Variants in CELF1 observed in about 807,000 individuals in gnomAD.
CELF1 encodes the protein 50 kDa nuclear polyadenylated RNA-binding protein.
CELF1 carries 10 observed loss-of-function variants against 61.8 expected under a neutral mutation model. That is an observed-to-expected ratio of 0.16 (90% CI 0.10 to 0.27). The LOEUF (loss-of-function observed/expected upper bound fraction) is 0.27. CELF1 is among the 10% of genes least tolerant of loss of function. The pLI, the probability that CELF1 is intolerant of heterozygous loss-of-function variation, is 1.00. For missense variants in CELF1, 380 were observed against 639.1 expected (o/e 0.59, Z 4.37); for synonymous variants, 236 against 225.1 (o/e 1.05, Z -0.43).
chr11:47,546,236 C>CTTT lies in CELF1; in HGVS notation c.-154+6753_-154+6755dup, dbSNP rs11315629. ...TGCAATTGACAGATACTCTCAGTAT[C>CTTT]TTTTTTTTTTTTTTTTTGGGCGGGG... is the stretch of plus-strand genomic sequence containing the variant. On this transcript the variant is annotated intron_variant, in intron 1 of 14. Coordinates refer to ENST00000687097, the MANE Select transcript of CELF1 (RefSeq NM_001376376.1). 6.3e-4 allele frequency among the ~76,000 whole-genome samples: 50 copies of CTTT among 79,162 alleles called. 1 individual carries two copies. Among genetic ancestry groups the CTTT allele is most frequent in the African/African-American group, 2.4e-3 (47 of 19,668 alleles). 51.9% of individuals were successfully genotyped at this position (79,162 alleles called of 152,430 possible).
intron 1 of CELF1, among the ~76,000 whole-genome samples, chr11:47,531,442 G>A (rs112698825): frequency 3.9e-5 from 6 of 152,086 alleles, no homozygotes; most frequent in African/African-American, 1.4e-4. Flanking sequence ...GGTGGCACTC[G>A]CCTATAGTCT....
At chr11:47,489,832 A>C (rs1341008496) in intron 3 of CELF1, among the ~76,000 whole-genome samples, 1 of 152,040 alleles carries the variant, frequency 6.6e-6, no homozygotes, top group Non-Finnish European at 1.5e-5. Flanking sequence ...TAGAACCTGA[A>C]GGATAATCAG....
In CELF1 at chr11:47,487,207, A is replaced by G; in HGVS notation, c.294T>C (p.Ala98=). 6.2e-7 allele frequency: 1 copy of G among 1,612,766 alleles called. No homozygotes were observed. Among genetic ancestry groups the G allele is most frequent in the South Asian group, 1.1e-5 (1 of 91,082 alleles). Residue 98 remains alanine, a synonymous_variant, in exon 5 of 15, where the codon GCT becomes GCC. Coordinates refer to ENST00000687097, the MANE Select transcript of CELF1 (RefSeq NM_001376376.1). ...CCFVTFYTRK[A]ALEAQNALHN... Reference sequence around the variant, plus strand: ...GAAGAGCATTCTGAGCTTCTAATGCAGCTTTACGGGTGTAAAATGTAACAA... The same window carrying G: ...GAAGAGCATTCTGAGCTTCTAATGCGGCTTTACGGGTGTAAAATGTAACAA...
intron 3 of CELF1, among the ~76,000 whole-genome samples, chr11:47,493,218 C>T (rs1355669656): frequency 6.6e-6 from 1 of 151,534 alleles, no homozygotes; most frequent in African/African-American, 2.4e-5. Flanking sequence ...ATTCAATAGC[C>T]AGAAGACTCC....
intron 2 of CELF1, among the ~76,000 whole-genome samples, chr11:47,561,152 A>AAG (rs1486820867): frequency 6.7e-6 from 1 of 149,772 alleles, no homozygotes; most frequent in East Asian, 2.0e-4. Context: ...AAAAAAAAAA[A>AAG]AAGTGTATTT....
intron 2 of CELF1, among the ~76,000 whole-genome samples, chr11:47,560,560 G>C (rs1485151854): frequency 6.6e-6 from 1 of 152,160 alleles, no homozygotes; most frequent in Non-Finnish European, 1.5e-5. Flanking sequence ...AAGTCGATTC[G>C]TGGTTGTCAG....
At chr11:47,561,126 A>G in intron 2 of CELF1, among the ~76,000 whole-genome samples, 1 of 114,346 alleles carries the variant, frequency 8.7e-6, no homozygotes. Flanking sequence ...CAACAGAGTG[A>G]GACTCTGTCT....
rs2077391706 is a variant in CELF1 at position 47,470,279 on chromosome 11, T to C, written c.*1951A>G. Reference sequence around the variant, plus strand: ...AGAACAGCGCCTCCCCAACCTAGCATTTTTTTCTTTTTTTTTTTTGTTTTC... The same window carrying C: ...AGAACAGCGCCTCCCCAACCTAGCACTTTTTTCTTTTTTTTTTTTGTTTTC... On this transcript the variant is annotated 3_prime_UTR_variant, in exon 15 of 15. Transcript: ENST00000687097. 3.9e-4 allele frequency: 1 copy of C among 2,586 alleles called. No individual in the cohort carries two copies. Among genetic ancestry groups the C allele is most frequent in the Non-Finnish European group, 6.1e-4 (1 of 1,648 alleles). 0.2% of individuals were successfully genotyped at this position (2,586 alleles called of 1,614,324 possible). A position where few individuals can be genotyped will look rare whatever the true frequency, so the allele number is the denominator to read the frequency against.
At chr11:47,555,219 G>GC (rs2097202379), upstream of CELF1, among the ~76,000 whole-genome samples, 2 of 152,142 alleles carry the variant, frequency 1.3e-5, no homozygotes, top group Non-Finnish European at 2.9e-5. Context: ...CTGCCCATGA[G>GC]CTAAATAAGG....
intron 10 of CELF1, 79 bp from the exon 11 acceptor site, chr11:47,477,504 G>T: frequency 6.8e-7 from 1 of 1,466,724 alleles, no homozygotes; most frequent in Non-Finnish European, 9.4e-7. Context: ...GCACACACTG[G>T]CAGAGGGCTG....
At chr11:47,498,292 C>T (rs2093450978) in intron 3 of CELF1, among the ~76,000 whole-genome samples, 1 of 152,124 alleles carries the variant, frequency 6.6e-6, no homozygotes, top group Non-Finnish European at 1.5e-5. Context: ...GTGGTCCCAG[C>T]TACTTGGGAA....
At chr11:47,518,681 G>A (rs950220611) in intron 1 of CELF1, among the ~76,000 whole-genome samples, 3 of 152,128 alleles carry the variant, frequency 2.0e-5, no homozygotes, top group African/African-American at 7.2e-5. Flanking sequence ...CATCTCCCCT[G>A]CCTCTTTTCT....
intron 1 of CELF1, among the ~76,000 whole-genome samples, chr11:47,519,386 C>A (rs536581541): frequency 6.6e-6 from 1 of 151,922 alleles, no homozygotes; most frequent in African/African-American, 2.4e-5. Flanking sequence ...GAGGCTGGGG[C>A]AGAAGAATCA....
chr11:47,565,061 G>C (rs2097240471), intron 1 of CELF1, among the ~76,000 whole-genome samples: 2 of 152,098 alleles, frequency 1.3e-5, no homozygotes, highest in Admixed American at 1.3e-4. Flanking sequence ...CACCCAGGTA[G>C]CTCCTCTGTT....
In CELF1 at chr11:47,552,987, C is replaced by G; in HGVS notation, c.-154+5G>C. Reference sequence around the variant, plus strand: ...GGCCCGTTATCCTGCGGCCGCAGCACTCACCAGCGGCTGCACCTGAGCCTG... The same window carrying G: ...GGCCCGTTATCCTGCGGCCGCAGCAGTCACCAGCGGCTGCACCTGAGCCTG... On this transcript the variant is annotated splice_donor_5th_base_variant and intron_variant, in intron 1 of 14. Coordinates refer to ENST00000687097, the MANE Select transcript of CELF1 (RefSeq NM_001376376.1). 1 of 398,180 alleles carries G rather than the reference C, an allele frequency of 2.5e-6. No individual in the cohort carries two copies. The allele number at this position is 398,180 out of a possible 1,614,324, so 24.7% of individuals were successfully genotyped here.
At position 47,489,003 on chromosome 11, in the gene CELF1, G is replaced by T; in HGVS notation, c.93C>A (p.Thr31=). 1 of 1,588,044 alleles carries T rather than the reference G, an allele frequency of 6.3e-7. No individual in the cohort carries two copies. The highest frequency in any genetic ancestry group is 8.5e-7 in the Non-Finnish European group (1 of 1,171,720). The change falls in exon 4 of 15, where the codon ACC becomes ACA. Residue 31 remains threonine, a synonymous_variant. Transcript: ENST00000687097. ...GATCTGGTTGGTCTGGGTGGTCCAG[G>T]GTGCCGTTCATTTTCTTTGAGCTGT... ...SSPVSKKMNG[T]LDHPDQPDLD...
chr11:47,494,561 CCTTT>C (rs1177132704), intron 3 of CELF1: 7 of 863,992 alleles, frequency 8.1e-6, no homozygotes, highest in Non-Finnish European at 9.7e-6. Context: ...TTCTCTTTCT[CCTTT>C]CTTTTCCCCT....
chr11:47,526,281 T>C (rs1248804661), intron 1 of CELF1, among the ~76,000 whole-genome samples: 3 of 151,832 alleles, frequency 2.0e-5, no homozygotes, highest in South Asian at 4.2e-4. Context: ...GATTGTGCCA[T>C]TGCACTCCAG....
chr11:47,549,457 G>GAT (rs746606206), intron 1 of CELF1, among the ~76,000 whole-genome samples: 141 of 151,606 alleles, frequency 9.3e-4, no homozygotes, highest in African/African-American at 2.7e-3. Context: ...TAAACAATAT[G>GAT]ATATATATAT....
Sources: gnomAD v4.1 joint callset for allele counts (sites outside exome capture counted in the v4.1 genomes callset) on GRCh38, gnomAD v4.1.1 for gene constraint, MANE v1.5 for transcripts, NCBI Gene and HGNC (gene_info 2026-07-23, HGNC 2026-07-21) for gene names.